Variants in CAMTA1 observed in about 807,000 individuals in gnomAD.
The protein encoded by CAMTA1 is calmodulin binding transcription activator 1.
CAMTA1 carries 27 observed loss-of-function variants against 170.9 expected under a neutral mutation model. The ratio of observed to expected loss-of-function variants is 0.16; its 90% CI spans 0.12 to 0.22. The LOEUF is 0.22. Among genes scored for constraint, CAMTA1 ranks in the 10% least tolerant of loss-of-function variants. The pLI, the probability that CAMTA1 is intolerant of heterozygous loss-of-function variation, is 1.00. For synonymous variants in CAMTA1, 833 were observed against 891.5 expected (o/e 0.93, Z 1.17); for missense variants, 1,619 against 2,217.2 (o/e 0.73, Z 5.42).
intron 3 of CAMTA1, among the ~76,000 whole-genome samples, chr1:6,875,211 G>A (rs1669490670): frequency 6.6e-6 from 1 of 152,168 alleles, no homozygotes; most frequent in Non-Finnish European, 1.5e-5. Flanking sequence ...ACCTGGCTGA[G>A]CCACTCCTAG....
chr1:7,731,935 AG>A lies in CAMTA1; in HGVS notation c.2915-512del, dbSNP rs548204062. On this transcript the variant is annotated intron_variant, in intron 11 of 22. Coordinates refer to ENST00000303635, the MANE Select transcript of CAMTA1 (RefSeq NM_015215.4). ...TGCTATTCCTGAAATAAATTATAAA[AG>A]CTAGAGCTTGGCTCAGGAAATAAAA... Among the ~76,000 whole-genome samples the A allele has an allele frequency of 7.2e-5, 11 of 152,328 alleles. No individual in the cohort carries two copies. The South Asian group carries it at 2.3e-3, about 32-fold the overall frequency.
intron 5 of CAMTA1, among the ~76,000 whole-genome samples, chr1:7,344,748 C>CTTTTT (rs70984076): frequency 1.4e-5 from 2 of 142,590 alleles, no homozygotes; most frequent in Non-Finnish European, 1.5e-5. Context: ...CTGCTCAAGT[C>CTTTTT]TTTTTTTTTT....
chr1:7,622,876 A>T (rs1031956689), intron 6 of CAMTA1, among the ~76,000 whole-genome samples: 1 of 152,232 alleles, frequency 6.6e-6, no homozygotes, highest in Non-Finnish European at 1.5e-5. Flanking sequence ...GGCTTTCCAG[A>T]CTGAACCTCT....
At chr1:6,885,126 T>A (rs1672848752) in intron 3 of CAMTA1, among the ~76,000 whole-genome samples, 1 of 152,220 alleles carries the variant, frequency 6.6e-6, no homozygotes, top group South Asian at 2.1e-4. Flanking sequence ...TTCTTCCTGC[T>A]AAATGGTGTT....
At chr1:6,902,074 A>ACACACAC (rs1553180447) in intron 3 of CAMTA1, among the ~76,000 whole-genome samples, 6,646 of 75,398 alleles carry the variant, frequency 0.088, 189 homozygotes, top group Non-Finnish European at 0.12. Context: ...CACACACACA[A>ACACACAC]AAAAAAAAAT....
intron 5 of CAMTA1, among the ~76,000 whole-genome samples, chr1:7,341,100 C>G (rs1351247600): frequency 6.6e-6 from 1 of 152,206 alleles, no homozygotes; most frequent in Admixed American, 6.5e-5. Flanking sequence ...GCTCTCTGAC[C>G]ACAAAGGGTC....
intron 6 of CAMTA1, among the ~76,000 whole-genome samples, chr1:7,490,042 G>A (rs543962803): frequency 1.3e-5 from 2 of 152,334 alleles, no homozygotes; most frequent in Admixed American, 1.3e-4. Context: ...TCCTGAAGGT[G>A]AAGCCCTCCG....
intron 7 of CAMTA1, among the ~76,000 whole-genome samples, chr1:7,650,252 G>A (rs970761275): frequency 3.9e-5 from 6 of 152,192 alleles, no homozygotes; most frequent in South Asian, 4.1e-4. Flanking sequence ...TAACAATGCC[G>A]CTTCGCACAT....
At chr1:6,904,626 A>T (rs778945322) in intron 3 of CAMTA1, among the ~76,000 whole-genome samples, 1 of 148,576 alleles carries the variant, frequency 6.7e-6, no homozygotes, top group Non-Finnish European at 1.5e-5. Flanking sequence ...CATGAACAAC[A>T]TAGCTCACAG....
At chr1:6,933,966 C>G (rs752577643) in intron 3 of CAMTA1, among the ~76,000 whole-genome samples, 5 of 152,170 alleles carry the variant, frequency 3.3e-5, no homozygotes, top group Admixed American at 6.5e-5. Flanking sequence ...AGGTCCTTTG[C>G]ATTTCCATAT....
At position 7,315,594 on chromosome 1, in the gene CAMTA1, G is replaced by A. The variant is rs115749052; in HGVS notation, c.438+65968G>A. Among the ~76,000 whole-genome samples, 791 of 152,304 alleles carry A rather than the reference G, an allele frequency of 5.2e-3. 10 individuals carry two copies. Among genetic ancestry groups the A allele is most frequent in the African/African-American group, 0.018 (758 of 41,562 alleles). Reference sequence around the variant, plus strand: ...TGGGGATTCTGTTCTGTAGGACCTTGTTTTTGTGTCCTGAGGCTGCCTTAA... The same window carrying A: ...TGGGGATTCTGTTCTGTAGGACCTTATTTTTGTGTCCTGAGGCTGCCTTAA... On this transcript the variant is annotated intron_variant, in intron 5 of 22. Transcript: ENST00000303635.
chr1:7,233,586 A>G (rs1344435640), intron 4 of CAMTA1, among the ~76,000 whole-genome samples: 2 of 152,180 alleles, frequency 1.3e-5, no homozygotes, highest in Non-Finnish European at 2.9e-5. Flanking sequence ...TCATTTGATG[A>G]GGACTTATGG....
In CAMTA1 at chr1:7,663,785, C is replaced by T. The variant is rs1391934927; in HGVS notation, c.1238C>T (p.Ser413Phe). The change falls in exon 9 of 23, where the codon TCC becomes TTC. Residue 413 changes from serine (S) to phenylalanine (F), a missense_variant. Transcript: ENST00000303635. ...ACCAATGAGGCCGTGTACACCATGT[C>T]CCCCACCGCTGGCCCCAACCACCAC... Reference protein sequence around the residue: ...EVTNEAVYTMSPTAGPNHHLL... With the variant: ...EVTNEAVYTMFPTAGPNHHLL... 1.2e-6 allele frequency: 2 copies of T among 1,614,124 alleles called. No individual in the cohort carries two copies. The highest frequency in any genetic ancestry group is 1.7e-5 in the Admixed American group (1 of 60,004).
intron 5 of CAMTA1, among the ~76,000 whole-genome samples, chr1:7,383,372 C>T (rs575677284): frequency 7.0e-4 from 106 of 152,310 alleles, no homozygotes; most frequent in African/African-American, 2.3e-3. Context: ...ACTCATCTAA[C>T]GTGTGTAGTA....
At chr1:7,503,526 C>T (rs2094045775) in intron 6 of CAMTA1, among the ~76,000 whole-genome samples, 1 of 152,188 alleles carries the variant, frequency 6.6e-6, no homozygotes, top group East Asian at 1.9e-4. Context: ...CTGCCCTCCC[C>T]CACCATTTCC....
rs1214694383 is a variant in CAMTA1 at position 7,248,724 on chromosome 1, T to C, written c.303-767T>C. On this transcript the variant is annotated intron_variant, in intron 4 of 22. Transcript: ENST00000303635. This position sits in a 1 kb window ranked among gnomAD's most constrained non-coding sequence, Gnocchi z 4.0. ...TCCTCTCTGTGGTGGACGCGTGTTT[T>C]CTTTTTGGCAAATTCAAGGTTCTTT... 1.3e-5 allele frequency among the ~76,000 whole-genome samples: 2 copies of C among 152,170 alleles called. No individual in the cohort carries two copies. The highest frequency in any genetic ancestry group is 2.4e-5 in the African/African-American group (1 of 41,448).
rs375990864 is a variant in CAMTA1 at position 7,464,097 on chromosome 1, A to G, written c.439-3733A>G. ...GAAGCTGCCAGGCCTTAATTCCCCAATACAACTGATTCAAAGGTTGCTTTC... is the reference window on the plus strand; with the variant it reads ...GAAGCTGCCAGGCCTTAATTCCCCAGTACAACTGATTCAAAGGTTGCTTTC... On this transcript the variant is annotated intron_variant, in intron 5 of 22. Coordinates refer to ENST00000303635, the MANE Select transcript of CAMTA1 (RefSeq NM_015215.4). 7.5e-4 allele frequency among the ~76,000 whole-genome samples: 115 copies of G among 152,360 alleles called. No homozygotes were observed. In the South Asian group the frequency reaches 0.024, roughly 32 times the overall value.
rs117052320 is a variant in CAMTA1 at position 7,476,029 on chromosome 1, C to T, written c.510+8128C>T. Among the ~76,000 whole-genome samples, 148 of 152,296 alleles carry T rather than the reference C, an allele frequency of 9.7e-4. 2 individuals are homozygous for T. In the East Asian group the frequency reaches 0.018, roughly 19 times the overall value. ...CAAGAAGGGCAAGAGAAAGGTTGACCGACCCTGACATAAACCCCAAGTTTC... is the reference window on the plus strand; with the variant it reads ...CAAGAAGGGCAAGAGAAAGGTTGACTGACCCTGACATAAACCCCAAGTTTC... On this transcript the variant is annotated intron_variant, in intron 6 of 22. Coordinates refer to ENST00000303635, the MANE Select transcript of CAMTA1 (RefSeq NM_015215.4).
At chr1:7,647,178 C>G (rs1235860424) in intron 7 of CAMTA1, among the ~76,000 whole-genome samples, 1 of 152,078 alleles carries the variant, frequency 6.6e-6, no homozygotes, top group African/African-American at 2.4e-5. Flanking sequence ...TCCCTCTGTT[C>G]CGGAGGCCCT....
Sources: allele counts gnomAD v4.1 joint callset (sites outside exome capture counted in the v4.1 genomes callset), GRCh38; gene constraint gnomAD v4.1.1; non-coding constraint Gnocchi (gnomAD v3.1); transcripts MANE v1.5; gene names NCBI Gene and HGNC (gene_info 2026-07-23, HGNC 2026-07-21).